Variants in CLRN1 observed in about 807,000 individuals in gnomAD.
The protein encoded by CLRN1 is clarin-1.
CLRN1 carries 15 observed loss-of-function variants against 18.7 expected under a neutral mutation model. That is an observed-to-expected ratio of 0.80 (90% CI 0.54 to 1.23). The LOEUF (loss-of-function observed/expected upper bound fraction) is 1.23, where lower values mean the gene tolerates loss of function less well. Ranked by LOEUF, CLRN1 falls within the 50% of genes most tolerant of loss-of-function variation. The probability of loss-of-function intolerance (pLI) is 0.00; values close to 1 mark genes in which losing one functional copy is unlikely to be tolerated. For missense variants in CLRN1, 311 were observed against 277.5 expected (o/e 1.12, Z -0.86); for synonymous variants, 104 against 102.9 (o/e 1.01, Z -0.07).
At position 150,927,944 on chromosome 3, in the gene CLRN1, T is replaced by A; in HGVS notation, c.691A>T (p.Met231Leu). The A allele has an allele frequency of 6.2e-7, 1 of 1,614,206 alleles. No individual in the cohort carries two copies. Among genetic ancestry groups the A allele is most frequent in the Non-Finnish European group, 8.5e-7 (1 of 1,180,034 alleles). ...AETTNVAADL[M>L]Y ...ATAGAAAGGTTTGCCTTTCAGTACA[T>A]TAGATCTGCAGCTACATTAGTTGTT... Residue 231 changes from methionine to leucine, a missense_variant, in exon 3 of 3, where the codon ATG becomes TTG. Physicochemically the swap from Met to Leu is conservative, Grantham distance 15. Coordinates refer to ENST00000327047, the MANE Select transcript of CLRN1 (RefSeq NM_174878.3).
At chr3:150,971,687 A>G (rs564072924) in intron 1 of CLRN1, among the ~76,000 whole-genome samples, 6 of 152,334 alleles carry the variant, frequency 3.9e-5, no homozygotes, top group African/African-American at 1.2e-4. Context: ...TAAGAGATAT[A>G]ACAAATGACT....
At chr3:150,970,130 T>C (rs1380136291) in intron 1 of CLRN1, among the ~76,000 whole-genome samples, 1 of 152,226 alleles carries the variant, frequency 6.6e-6, no homozygotes, top group East Asian at 1.9e-4. Flanking sequence ...CTGAGCTCTC[T>C]GGAGGTCCCT....
intron 1 of CLRN1, chr3:150,943,824 T>G (rs771964691): frequency 6.2e-7 from 1 of 1,614,158 alleles, no homozygotes; most frequent in South Asian, 1.1e-5. Flanking sequence ...CCCTACCTGG[T>G]TGCTGCTGCA....
chr3:150,964,439 G>A (rs79230891), intron 1 of CLRN1, among the ~76,000 whole-genome samples: 27,431 of 151,942 alleles, frequency 0.18, 2,695 homozygotes, highest in East Asian at 0.38. Flanking sequence ...AAATAGGAAC[G>A]CTTTTACACT....
intron 1 of CLRN1, among the ~76,000 whole-genome samples, chr3:150,950,093 A>T (rs1714403864): frequency 6.6e-6 from 1 of 152,240 alleles, no homozygotes; most frequent in Admixed American, 6.5e-5. Context: ...TAATGCTGGG[A>T]TAACTGGCTA....
chr3:150,964,817 G>A lies in CLRN1; in HGVS notation c.253+7639C>T, dbSNP rs910792300. ...ACGCAGGAACAGAAAACCAAACACCGCATGTTCTCACTCATAAGTGGGAGT... is the reference window on the plus strand; with the variant it reads ...ACGCAGGAACAGAAAACCAAACACCACATGTTCTCACTCATAAGTGGGAGT... On this transcript the variant is annotated intron_variant, in intron 1 of 2. Transcript: ENST00000327047. Among the ~76,000 whole-genome samples the A allele has an allele frequency of 3.9e-5, 6 of 151,968 alleles. No individual in the cohort carries two copies. In the East Asian group the frequency reaches 5.8e-4, roughly 15 times the overall value.
chr3:150,931,540 C>T (rs146049529), intron 2 of CLRN1, among the ~76,000 whole-genome samples: 123 of 152,268 alleles, frequency 8.1e-4, no homozygotes, highest in African/African-American at 2.6e-3. Flanking sequence ...CCTATGTGGT[C>T]ATTTCTCCTG....
intron 2 of CLRN1, among the ~76,000 whole-genome samples, chr3:150,934,815 C>T (rs1337822380): frequency 2.0e-5 from 3 of 152,000 alleles, no homozygotes; most frequent in African/African-American, 7.3e-5. Context: ...TTCTCTCTCT[C>T]TCTTTCTCTT....
chr3:150,943,759 G>T, intron 1 of CLRN1: 1 of 1,612,462 alleles, frequency 6.2e-7, no homozygotes, highest in Admixed American at 1.7e-5. Flanking sequence ...TCCACAGATG[G>T]CAGAGCTACG....
At chr3:150,934,841 C>A (rs1267540222) in intron 2 of CLRN1, among the ~76,000 whole-genome samples, 1 of 152,070 alleles carries the variant, frequency 6.6e-6, no homozygotes, top group Non-Finnish European at 1.5e-5. Context: ...CTCTCTGTCT[C>A]TCTCTTCCAC....
intron 1 of CLRN1, among the ~76,000 whole-genome samples, chr3:150,959,790 T>C (rs1390030246): frequency 1.3e-5 from 2 of 152,238 alleles, no homozygotes; most frequent in African/African-American, 4.8e-5. Context: ...CCATTCATTT[T>C]ACTTCTATCT....
chr3:150,961,846 A>T (rs1715054061), intron 1 of CLRN1, among the ~76,000 whole-genome samples: 1 of 152,154 alleles, frequency 6.6e-6, no homozygotes, highest in Non-Finnish European at 1.5e-5. Flanking sequence ...ATCTCCTTTA[A>T]TATCACCCAT....
At chr3:150,945,493 C>A in intron 1 of CLRN1, 2 of 1,284,422 alleles carry the variant, frequency 1.6e-6, no homozygotes, top group Non-Finnish European at 2.0e-6. Flanking sequence ...CCTTTGCCAC[C>A]GCTGGATGTA....
intron 2 of CLRN1, among the ~76,000 whole-genome samples, chr3:150,928,479 A>C (rs551283728): frequency 6.6e-6 from 1 of 152,338 alleles, no homozygotes; most frequent in East Asian, 1.9e-4. Flanking sequence ...TGATCTTACA[A>C]AGACTGGGAG....
chr3:150,940,467 G>C (rs1310265120), intron 2 of CLRN1: 3 of 1,534,610 alleles, frequency 2.0e-6, no homozygotes, highest in South Asian at 1.2e-5. Context: ...GTAGTGTCAA[G>C]AGCAAGAAAG....
chr3:150,957,699 C>A (rs1419916909), intron 1 of CLRN1, among the ~76,000 whole-genome samples: 1 of 152,166 alleles, frequency 6.6e-6, no homozygotes, highest in Non-Finnish European at 1.5e-5. Context: ...CGCTCTGTCG[C>A]CCAGGCTGGA....
chr3:150,942,082 T>C (rs1211127942), intron 1 of CLRN1, among the ~76,000 whole-genome samples: 2 of 152,162 alleles, frequency 1.3e-5, no homozygotes, highest in African/African-American at 4.8e-5. Flanking sequence ...AAGCCTTTAA[T>C]GACCTTTCTC....
intron 1 of CLRN1, among the ~76,000 whole-genome samples, chr3:150,951,269 AAT>A (rs1453192527): frequency 6.6e-6 from 1 of 152,140 alleles, no homozygotes; most frequent in Admixed American, 6.6e-5. Flanking sequence ...TTAAAAATAA[AAT>A]AAAATTCTTC....
chr3:150,952,511 T>C (rs1714542034), intron 1 of CLRN1, among the ~76,000 whole-genome samples: 1 of 152,226 alleles, frequency 6.6e-6, no homozygotes, highest in African/African-American at 2.4e-5. Flanking sequence ...TTTCAACTTA[T>C]GACGGGTTTA....
Sources: gnomAD v4.1 joint callset for allele counts (sites outside exome capture counted in the v4.1 genomes callset) on GRCh38, gnomAD v4.1.1 for gene constraint, MANE v1.5 for transcripts, NCBI Gene and HGNC (gene_info 2026-07-23, HGNC 2026-07-21) for gene names.